Variants in CDH18 observed in about 807,000 individuals in gnomAD.
CDH18 encodes the protein cadherin 18.
Under a neutral mutation model 67.9 loss-of-function variants are expected in CDH18, and 31 were observed. The observed-to-expected ratio is 0.46, with a 90% confidence interval of 0.34 to 0.62. The LOEUF (loss-of-function observed/expected upper bound fraction) is 0.62, where lower values mean the gene tolerates loss of function less well. Ranked by LOEUF, CDH18 falls within the 20% of genes least tolerant of loss-of-function variation. The pLI is 0.01. For synonymous variants in CDH18, 362 were observed against 347.2 expected (o/e 1.04, Z -0.48); for missense variants, 890 against 975.5 (o/e 0.91, Z 1.17).
At chr5:20,155,705 A>G (rs951665892) in intron 2 of CDH18, among the ~76,000 whole-genome samples, 1 of 152,142 alleles carries the variant, frequency 6.6e-6, no homozygotes, top group Non-Finnish European at 1.5e-5. Context: ...TTATAGCTTC[A>G]GATCTTACAT....
intron 3 of CDH18, among the ~76,000 whole-genome samples, chr5:19,803,358 T>G (rs1490556872): frequency 6.6e-6 from 1 of 152,210 alleles, no homozygotes; most frequent in Non-Finnish European, 1.5e-5. Flanking sequence ...TCCTAATTAG[T>G]CTAAACAAGT....
intron 2 of CDH18, among the ~76,000 whole-genome samples, chr5:20,061,679 G>C (rs1306442035): frequency 6.6e-6 from 1 of 152,092 alleles, no homozygotes; most frequent in South Asian, 2.1e-4. Flanking sequence ...CAAATAATAA[G>C]ACTATAGGTA....
At chr5:19,716,322 G>T (rs1765333811) in intron 5 of CDH18, among the ~76,000 whole-genome samples, 1 of 152,026 alleles carries the variant, frequency 6.6e-6, no homozygotes, top group South Asian at 2.1e-4. Flanking sequence ...TGAACACAAA[G>T]CATCCTCAAC....
At chr5:20,198,102 C>T (rs1245072766) in intron 2 of CDH18, among the ~76,000 whole-genome samples, 3 of 152,200 alleles carry the variant, frequency 2.0e-5, no homozygotes, top group Admixed American at 2.0e-4. Flanking sequence ...AACTGTTAAT[C>T]AATTGAGTAA....
At chr5:19,570,500 A>G (rs183769019) in intron 8 of CDH18, among the ~76,000 whole-genome samples, 189 of 152,336 alleles carry the variant, frequency 1.2e-3, no homozygotes, top group African/African-American at 4.2e-3. Context: ...AAGAAAATTC[A>G]GAGCTTTTAC....
intron 5 of CDH18, among the ~76,000 whole-genome samples, chr5:19,625,725 C>T (rs1466445924): frequency 6.6e-6 from 1 of 152,014 alleles, no homozygotes; most frequent in Admixed American, 6.6e-5. Flanking sequence ...ACTGAGACAG[C>T]CAGATGGGAG....
chr5:19,550,243 C>T (rs527424081), intron 8 of CDH18, among the ~76,000 whole-genome samples: 1 of 152,106 alleles, frequency 6.6e-6, no homozygotes, highest in South Asian at 2.1e-4. Flanking sequence ...CCATGTTAGA[C>T]TTTAGTAGTA....
At chr5:19,631,624 A>G (rs1367921097) in intron 5 of CDH18, among the ~76,000 whole-genome samples, 1 of 151,904 alleles carries the variant, frequency 6.6e-6, no homozygotes, top group East Asian at 1.9e-4. Flanking sequence ...TCTGTTAAAA[A>G]TCCTAAAATT....
intron 2 of CDH18, among the ~76,000 whole-genome samples, chr5:19,953,813 A>AC (rs2150274354): frequency 6.6e-6 from 1 of 152,158 alleles, no homozygotes; most frequent in African/African-American, 2.4e-5. Context: ...TCAAACTATG[A>AC]GGTTGTTTTC....
intron 2 of CDH18, among the ~76,000 whole-genome samples, chr5:19,922,190 C>T (rs998428596): frequency 7.9e-5 from 12 of 152,054 alleles, no homozygotes; most frequent in African/African-American, 2.9e-4. Flanking sequence ...AATCCAATCC[C>T]TCTAATATAA....
intron 2 of CDH18, among the ~76,000 whole-genome samples, chr5:20,003,891 C>T (rs1284858742): frequency 1.3e-5 from 2 of 152,014 alleles, no homozygotes; most frequent in African/African-American, 4.8e-5. Flanking sequence ...AGCGAGACTC[C>T]GTCTCAAAAA....
At chr5:20,410,735 G>A (rs1010927955) in intron 1 of CDH18, among the ~76,000 whole-genome samples, 1 of 151,736 alleles carries the variant, frequency 6.6e-6, no homozygotes, top group East Asian at 1.9e-4. Context: ...CAAATGCCAT[G>A]ATTTTATATG....
At chr5:19,741,279 G>A (rs550264609) in intron 4 of CDH18, among the ~76,000 whole-genome samples, 108 of 118,796 alleles carry the variant, frequency 9.1e-4, no homozygotes, top group South Asian at 3.0e-3. Flanking sequence ...ACATATATAC[G>A]TGTATATATA....
chr5:20,286,130 T>C (rs922704757), intron 1 of CDH18, among the ~76,000 whole-genome samples: 1 of 151,578 alleles, frequency 6.6e-6, no homozygotes, highest in Non-Finnish European at 1.5e-5. Flanking sequence ...ATTATTAGAA[T>C]ACCTTGCCCA....
At chr5:19,682,347 C>T (rs1760456966) in intron 5 of CDH18, among the ~76,000 whole-genome samples, 1 of 152,024 alleles carries the variant, frequency 6.6e-6, no homozygotes, top group Admixed American at 6.6e-5. Context: ...TGTCCTTTGG[C>T]ACTCTCAGAA....
At chr5:19,495,094 G>C (rs1053258118) in intron 11 of CDH18, among the ~76,000 whole-genome samples, 1 of 152,198 alleles carries the variant, frequency 6.6e-6, no homozygotes, top group South Asian at 2.1e-4. Flanking sequence ...GAGGCAACAA[G>C]TGCCTGAGAA....
chr5:20,249,783 G>A (rs1580582649), intron 2 of CDH18, among the ~76,000 whole-genome samples: 1 of 152,124 alleles, frequency 6.6e-6, no homozygotes, highest in African/African-American at 2.4e-5. Context: ...AAGTGAAAAT[G>A]TGCCTTTCTG....
At chr5:20,177,508 T>C (rs1248076193) in intron 2 of CDH18, among the ~76,000 whole-genome samples, 1 of 152,036 alleles carries the variant, frequency 6.6e-6, no homozygotes, top group Non-Finnish European at 1.5e-5. Context: ...TTCTCATGAG[T>C]TGTGATGGTT....
At chr5:20,106,284 G>A (rs1343789293) in intron 2 of CDH18, among the ~76,000 whole-genome samples, 2 of 151,992 alleles carry the variant, frequency 1.3e-5, no homozygotes, top group Non-Finnish European at 2.9e-5. Flanking sequence ...GGTAGCAAAG[G>A]GTTTTCCCTG....
Sources: gnomAD v4.1 joint callset for allele counts (sites outside exome capture counted in the v4.1 genomes callset) on GRCh38, gnomAD v4.1.1 for gene constraint, MANE v1.5 for transcripts, NCBI Gene and HGNC (gene_info 2026-07-23, HGNC 2026-07-21) for gene names.